The following SLC24A4 variants were observed in gnomAD, a reference collection of about 807,000 sequenced individuals.
SLC24A4 encodes solute carrier family 24 member 4.
SLC24A4 carries 53 observed loss-of-function variants against 79.0 expected under a neutral mutation model. That is an observed-to-expected ratio of 0.67 (90% CI 0.54 to 0.84). SLC24A4 has a LOEUF of 0.84. Ranked by LOEUF, SLC24A4 falls within the 40% of genes least tolerant of loss-of-function variation. The pLI is 0.00. For missense variants in SLC24A4, 731 were observed against 822.0 expected (o/e 0.89, Z 1.35); for synonymous variants, 323 against 323.8 (o/e 1.00, Z 0.03).
At chr14:92,423,202 T>G (rs1891379559) in intron 2 of SLC24A4, among the ~76,000 whole-genome samples, 1 of 152,222 alleles carries the variant, frequency 6.6e-6, no homozygotes, top group South Asian at 2.1e-4. Context: ...TGGAGTGCAG[T>G]GGCACGATCT....
intron 2 of SLC24A4, among the ~76,000 whole-genome samples, chr14:92,402,287 C>G (rs1890155978): frequency 6.6e-6 from 1 of 152,116 alleles, no homozygotes; most frequent in Non-Finnish European, 1.5e-5. Context: ...AAGCCATCCA[C>G]TTTCTAATTG....
intron 2 of SLC24A4, among the ~76,000 whole-genome samples, chr14:92,405,705 C>T (rs4541002): frequency 0.19 from 29,487 of 151,912 alleles, 3,097 homozygotes; most frequent in Non-Finnish European, 0.22. Flanking sequence ...CAGTTTTAAA[C>T]GATCAGATCT....
At chr14:92,447,751 T>G (rs1327932953) in intron 9 of SLC24A4, among the ~76,000 whole-genome samples, 2 of 152,218 alleles carry the variant, frequency 1.3e-5, no homozygotes, top group Admixed American at 1.3e-4. Context: ...GGGTAACCAC[T>G]CACTTGTGCT....
At chr14:92,391,949 A>T (rs915648040) in intron 2 of SLC24A4, among the ~76,000 whole-genome samples, 2 of 152,126 alleles carry the variant, frequency 1.3e-5, no homozygotes, top group Non-Finnish European at 2.9e-5. Flanking sequence ...AGAGACTCCA[A>T]GTGAGAACCA....
Position 92,497,390 on chromosome 14 carries a change from C to T in SLC24A4, c.*3762C>T, listed in dbSNP as rs985751972. ...GCCCATCTCTCAGAGAACCCGGACTCCCCAAGCAGACTGGGATTTTGGGAA... is the reference window on the plus strand; with the variant it reads ...GCCCATCTCTCAGAGAACCCGGACTTCCCAAGCAGACTGGGATTTTGGGAA... On this transcript the variant is annotated 3_prime_UTR_variant, in exon 17 of 17. Transcript: ENST00000532405. 8.5e-5 allele frequency: 13 copies of T among 152,268 alleles called. No homozygotes were observed. The highest frequency in any genetic ancestry group is 3.1e-4 in the African/African-American group (13 of 41,448). 9.4% of individuals were successfully genotyped at this position (152,268 alleles called of 1,614,324 possible).
At chr14:92,374,019 CTT>C (rs1888356157) in intron 2 of SLC24A4, among the ~76,000 whole-genome samples, 1 of 152,154 alleles carries the variant, frequency 6.6e-6, no homozygotes, top group Admixed American at 6.5e-5. Flanking sequence ...CTAAGAGACT[CTT>C]TTTCAAATGA....
intron 12 of SLC24A4, among the ~76,000 whole-genome samples, chr14:92,475,894 C>T (rs1401947741): frequency 6.6e-6 from 1 of 152,220 alleles, no homozygotes; most frequent in Non-Finnish European, 1.5e-5. Context: ...TCACCATCCT[C>T]TCCTGGATCT....
At chr14:92,382,795 A>G (rs1888929468) in intron 2 of SLC24A4, among the ~76,000 whole-genome samples, 1 of 152,236 alleles carries the variant, frequency 6.6e-6, no homozygotes, top group Admixed American at 6.5e-5. Context: ...AAAGTGGACC[A>G]GGACTGTTTT....
At chr14:92,416,123 G>GTA (rs1491419648) in intron 2 of SLC24A4, among the ~76,000 whole-genome samples, 2,344 of 41,140 alleles carry the variant, frequency 0.057, 48 homozygotes, top group African/African-American at 0.18. Flanking sequence ...TGTGTGTGTG[G>GTA]TGTGTGTGTG....
At chr14:92,488,780 C>T (rs1012746123) in intron 14 of SLC24A4, among the ~76,000 whole-genome samples, 2 of 152,218 alleles carry the variant, frequency 1.3e-5, no homozygotes, top group African/African-American at 2.4e-5. Context: ...CCAGCGCCAG[C>T]GGTGCACAGA....
At position 92,398,207 on chromosome 14, in the gene SLC24A4, T is replaced by C. The variant is rs1889889742; in HGVS notation, c.242-35705T>C. The stretch of plus-strand genomic sequence containing the variant: ...AGTTGGTTGAAACATGCCCTCATGG[T>C]TGGTAAATTGGTAGTCAGAAGCCAT... On this transcript the variant is annotated intron_variant, in intron 2 of 16. Transcript: ENST00000532405. This position sits in a 1 kb window ranked among gnomAD's most constrained non-coding sequence, Gnocchi z 4.1. Among the ~76,000 whole-genome samples the C allele has an allele frequency of 1.3e-5, 2 of 152,100 alleles. No individual in the cohort carries two copies. Among genetic ancestry groups the C allele is most frequent in the African/African-American group, 2.4e-5 (1 of 41,430 alleles).
rs1234168641 is a variant in SLC24A4 at position 92,398,457 on chromosome 14, G to A, written c.242-35455G>A. On this transcript the variant is annotated intron_variant, in intron 2 of 16. Coordinates refer to ENST00000532405, the MANE Select transcript of SLC24A4 (RefSeq NM_153646.4). This position sits in a 1 kb window ranked among gnomAD's most constrained non-coding sequence, Gnocchi z 4.1. Reference sequence around the variant, plus strand: ...AAGAATGGGTAAGACTATTGGAGGTGGGAAAGAGAGAAGGGAAAGAGTACA... The same window carrying A: ...AAGAATGGGTAAGACTATTGGAGGTAGGAAAGAGAGAAGGGAAAGAGTACA... 6.6e-6 allele frequency among the ~76,000 whole-genome samples: 1 copy of A among 152,152 alleles called. No individual in the cohort carries two copies. Among genetic ancestry groups the A allele is most frequent in the Non-Finnish European group, 1.5e-5 (1 of 68,020 alleles).
intron 2 of SLC24A4, among the ~76,000 whole-genome samples, chr14:92,399,974 C>T (rs1345673308): frequency 6.6e-6 from 1 of 152,050 alleles, no homozygotes; most frequent in African/African-American, 2.4e-5. Context: ...ACAGCAGCCT[C>T]GACTTTCTGG....
chr14:92,471,555 G>A lies in SLC24A4; in HGVS notation c.1256-11125G>A, dbSNP rs555805690. Among the ~76,000 whole-genome samples, 27 of 152,284 alleles carry A rather than the reference G, an allele frequency of 1.8e-4. No individual in the cohort carries two copies. In the South Asian group the frequency reaches 5.4e-3, roughly 30 times the overall value. ...GGCAGAATTCCCAAGGTTGACCCTT[G>A]TTATATTATACACCCAACCCAGGGC... On this transcript the variant is annotated intron_variant, in intron 12 of 16. Transcript: ENST00000532405.
At chr14:92,400,902 G>A (rs1890082961) in intron 2 of SLC24A4, among the ~76,000 whole-genome samples, 1 of 152,190 alleles carries the variant, frequency 6.6e-6, no homozygotes, top group African/African-American at 2.4e-5. Context: ...AAGCATGTTT[G>A]AAGAGTTACT....
rs764340807 is a variant in SLC24A4, at chr14:92,494,061, T to G, written c.*433T>G. The stretch of plus-strand genomic sequence containing the variant: ...AGGAATGTTGTTCTCAAGTGTCACC[T>G]CCAGCCCAGAGGTGGTTCCTTAGGC... On this transcript the variant is annotated 3_prime_UTR_variant, in exon 17 of 17. Coordinates refer to ENST00000532405, the MANE Select transcript of SLC24A4 (RefSeq NM_153646.4). This position sits in a 1 kb window ranked among gnomAD's most constrained non-coding sequence, Gnocchi z 4.6. The G allele has an allele frequency of 7.7e-5, 13 of 168,216 alleles. No homozygotes were observed. The highest frequency in any genetic ancestry group is 1.4e-4 in the Non-Finnish European group (11 of 76,568). 10.4% of individuals were successfully genotyped at this position (168,216 alleles called of 1,614,324 possible).
At chr14:92,329,492 C>G (rs1885346551) in intron 2 of SLC24A4, among the ~76,000 whole-genome samples, 1 of 152,128 alleles carries the variant, frequency 6.6e-6, no homozygotes, top group Non-Finnish European at 1.5e-5. Context: ...CACCACCCCT[C>G]CCTTCCCTTC....
At chr14:92,468,978 G>A (rs1343098352) in intron 12 of SLC24A4, among the ~76,000 whole-genome samples, 1 of 150,972 alleles carries the variant, frequency 6.6e-6, no homozygotes, top group East Asian at 1.9e-4. Flanking sequence ...TTTGAAAATG[G>A]ACAAAAGATT....
rs1895833449 is a variant in SLC24A4 at position 92,493,833 on chromosome 14, T to G, written c.*205T>G. 1 of 611,256 alleles carries G rather than the reference T, an allele frequency of 1.6e-6. No homozygotes were observed. The highest frequency in any genetic ancestry group is 2.8e-6 in the Non-Finnish European group (1 of 356,930). 37.9% of individuals were successfully genotyped at this position (611,256 alleles called of 1,614,324 possible). A position where few individuals can be genotyped will look rare whatever the true frequency, so the allele number is the denominator to read the frequency against. On this transcript the variant is annotated 3_prime_UTR_variant, in exon 17 of 17. Transcript: ENST00000532405. ...CTCCTCCTCCTTGGAGTTCCGCCCC[T>G]GCAAGGCTGGATTTGGGGGCCATTA...
Sources: allele counts gnomAD v4.1 joint callset (sites outside exome capture counted in the v4.1 genomes callset), GRCh38; gene constraint gnomAD v4.1.1; non-coding constraint Gnocchi (gnomAD v3.1); transcripts MANE v1.5; gene names NCBI Gene and HGNC (gene_info 2026-07-23, HGNC 2026-07-21).